Variants in ALCAM observed in about 807,000 individuals in gnomAD.
ALCAM encodes the protein CD166 antigen.
Under a neutral mutation model 70.9 loss-of-function variants are expected in ALCAM, and 30 were observed. The ratio of observed to expected loss-of-function variants is 0.42; its 90% CI spans 0.32 to 0.57. ALCAM has a LOEUF of 0.57. Ranked by LOEUF, ALCAM falls within the 20% of genes least tolerant of loss-of-function variation. The probability of loss-of-function intolerance (pLI) is 0.11; values close to 1 mark genes in which losing one functional copy is unlikely to be tolerated. For missense variants in ALCAM, 591 were observed against 695.1 expected (o/e 0.85, Z 1.68); for synonymous variants, 249 against 242.5 (o/e 1.03, Z -0.25).
At chr3:105,393,887 T>C (rs1163017216) in intron 1 of ALCAM, among the ~76,000 whole-genome samples, 2 of 146,730 alleles carry the variant, frequency 1.4e-5, no homozygotes, top group African/African-American at 4.9e-5. Flanking sequence ...TGAAGATACA[T>C]GTAAGTTTTC....
chr3:105,491,870 C>T lies in ALCAM; in HGVS notation c.74-28197C>T, dbSNP rs141903171. ...CATCTTCCTGTCTTCTTCTGAACCC[C>T]CCAAATGGTTCCAGCTTCTGCCTGT... On this transcript the variant is annotated intron_variant, in intron 1 of 15. Coordinates refer to ENST00000306107, the MANE Select transcript of ALCAM (RefSeq NM_001627.4). Among the ~76,000 whole-genome samples the T allele has an allele frequency of 8.5e-5, 13 of 152,268 alleles. 1 individual carries two copies. The East Asian group carries it at 2.5e-3, about 29-fold the overall frequency.
intron 14 of ALCAM, among the ~76,000 whole-genome samples, chr3:105,563,889 T>G (rs571064613): frequency 2.7e-5 from 4 of 149,618 alleles, no homozygotes; most frequent in Admixed American, 6.7e-5. Context: ...GGGTTTCACC[T>G]TGTTAGCCAG....
In ALCAM at chr3:105,381,099, G is replaced by A. The variant is rs919723950; in HGVS notation, c.73+13618G>A. On this transcript the variant is annotated intron_variant, in intron 1 of 15. Transcript: ENST00000306107. ...CCTAATCTATGCAATGGGAATAATAGCACCTATCTTGTAGGATAGCTGTGA... is the reference window on the plus strand; with the variant it reads ...CCTAATCTATGCAATGGGAATAATAACACCTATCTTGTAGGATAGCTGTGA... Among the ~76,000 whole-genome samples, 11 of 152,004 alleles carry A rather than the reference G, an allele frequency of 7.2e-5. No individual in the cohort carries two copies. In the South Asian group the frequency reaches 8.3e-4, roughly 11 times the overall value.
chr3:105,409,983 G>A (rs779022195), intron 1 of ALCAM, among the ~76,000 whole-genome samples: 6 of 152,122 alleles, frequency 3.9e-5, no homozygotes, highest in East Asian at 3.9e-4. Flanking sequence ...TGACCCCAGC[G>A]TTGACACATT....
intron 1 of ALCAM, among the ~76,000 whole-genome samples, chr3:105,491,412 G>T (rs1466356191): frequency 6.6e-6 from 1 of 152,152 alleles, no homozygotes; most frequent in Non-Finnish European, 1.5e-5. Context: ...TCTACAGCTG[G>T]CATGAATTTC....
At chr3:105,407,142 C>A (rs981754613) in intron 1 of ALCAM, among the ~76,000 whole-genome samples, 5 of 152,000 alleles carry the variant, frequency 3.3e-5, no homozygotes, top group African/African-American at 1.2e-4. Flanking sequence ...AGAATTGGCA[C>A]CAATCCTAAT....
intron 1 of ALCAM, among the ~76,000 whole-genome samples, chr3:105,471,871 C>A (rs1937941422): frequency 6.6e-6 from 1 of 151,230 alleles, no homozygotes; most frequent in Non-Finnish European, 1.5e-5. Context: ...AGTCCCCATG[C>A]TGTACAACAG....
intron 14 of ALCAM, among the ~76,000 whole-genome samples, chr3:105,556,275 T>C (rs751132007): frequency 1.3e-5 from 2 of 151,978 alleles, no homozygotes; most frequent in Non-Finnish European, 2.9e-5. Flanking sequence ...ATTAGGACCA[T>C]AATTTCAAGG....
chr3:105,556,783 A>G (rs1267512871), intron 14 of ALCAM, among the ~76,000 whole-genome samples: 4 of 152,098 alleles, frequency 2.6e-5, no homozygotes, highest in Admixed American at 6.6e-5. Context: ...AAGCAAATAT[A>G]TGTTCTCAGA....
At chr3:105,494,810 C>T (rs1276026101) in intron 1 of ALCAM, among the ~76,000 whole-genome samples, 1 of 152,086 alleles carries the variant, frequency 6.6e-6, no homozygotes, top group East Asian at 1.9e-4. Flanking sequence ...CAGGCACCCA[C>T]CACCACACCT....
intron 1 of ALCAM, among the ~76,000 whole-genome samples, chr3:105,415,519 A>G (rs1049136532): frequency 3.9e-5 from 6 of 152,142 alleles, no homozygotes; most frequent in Non-Finnish European, 5.9e-5. Flanking sequence ...ATCAGCCCCA[A>G]GGCCACATTA....
At position 105,390,450 on chromosome 3, in the gene ALCAM, G is replaced by T. The variant is rs531309194; in HGVS notation, c.73+22969G>T. On this transcript the variant is annotated intron_variant, in intron 1 of 15. Transcript: ENST00000306107. The stretch of plus-strand genomic sequence containing the variant: ...GCCCACTTTTTAATGGGGTTGTTGG[G>T]TTTTTTTCTTGTAAATTTCTTTAAG... Among the ~76,000 whole-genome samples the T allele has an allele frequency of 1.1e-3, 174 of 151,706 alleles. 1 individual carries two copies. Among genetic ancestry groups the T allele is most frequent in the Non-Finnish European group, 2.0e-3 (133 of 67,746 alleles).
chr3:105,564,123 A>G (rs1284146031), intron 14 of ALCAM, among the ~76,000 whole-genome samples: 3 of 152,150 alleles, frequency 2.0e-5, no homozygotes, highest in Non-Finnish European at 4.4e-5. Flanking sequence ...GAAAAAAAAA[A>G]ACTTGTTGGG....
intron 1 of ALCAM, among the ~76,000 whole-genome samples, chr3:105,436,160 A>G (rs1291735283): frequency 6.6e-6 from 1 of 152,072 alleles, no homozygotes; most frequent in East Asian, 1.9e-4. Context: ...CCTTCCCACA[A>G]CACATGGGAA....
At chr3:105,558,266 C>T (rs2152633366) in intron 14 of ALCAM, among the ~76,000 whole-genome samples, 1 of 152,182 alleles carries the variant, frequency 6.6e-6, no homozygotes, top group Middle Eastern at 3.4e-3. Flanking sequence ...AATAAGGATG[C>T]CTCACACCCG....
At chr3:105,570,092 G>T (rs1176474275) in intron 14 of ALCAM, among the ~76,000 whole-genome samples, 2 of 152,060 alleles carry the variant, frequency 1.3e-5, no homozygotes, top group African/African-American at 4.8e-5. Flanking sequence ...CAGTTCTTTT[G>T]TTCATAGGGT....
intron 1 of ALCAM, among the ~76,000 whole-genome samples, chr3:105,396,714 G>A (rs1376269970): frequency 6.6e-6 from 1 of 151,926 alleles, no homozygotes; most frequent in African/African-American, 2.4e-5. Flanking sequence ...TGGTGTCAGC[G>A]ATTATTGGGA....
rs370251916 is a variant in ALCAM at position 105,378,900 on chromosome 3, G to T, written c.73+11419G>T. Reference sequence around the variant, plus strand: ...AGAAATGATTTGAACTGCTTGAGTAGTGATTTGATGGTAGGCAGTATGGCC... The same window carrying T: ...AGAAATGATTTGAACTGCTTGAGTATTGATTTGATGGTAGGCAGTATGGCC... On this transcript the variant is annotated intron_variant, in intron 1 of 15. Transcript: ENST00000306107. Among the ~76,000 whole-genome samples the T allele has an allele frequency of 3.8e-3, 574 of 152,016 alleles. 4 individuals carry two copies. The highest frequency in any genetic ancestry group is 0.034 in the Middle Eastern group (10 of 294).
At chr3:105,421,613 C>A (rs1230440831) in intron 1 of ALCAM, among the ~76,000 whole-genome samples, 1 of 151,396 alleles carries the variant, frequency 6.6e-6, no homozygotes, top group African/African-American at 2.4e-5. Context: ...TGGATTAAGA[C>A]TTGTCACCCA....
Sources: allele counts gnomAD v4.1 joint callset (sites outside exome capture counted in the v4.1 genomes callset), GRCh38; gene constraint gnomAD v4.1.1; transcripts MANE v1.5; gene names NCBI Gene and HGNC (gene_info 2026-07-23, HGNC 2026-07-21).